TMEM132C: variants seen among roughly 807,000 people sequenced by gnomAD.
TMEM132C encodes the protein transmembrane protein 132C, also known as protein phosphatase 1, regulatory subunit 152.
In TMEM132C, 29 loss-of-function variants were observed where a neutral mutation model predicts 61.4. The observed-to-expected ratio is 0.47, with a 90% CI of 0.35 to 0.64. TMEM132C has a LOEUF of 0.64. Among genes scored for constraint, TMEM132C ranks in the 30% least tolerant of loss-of-function variants. The probability of loss-of-function intolerance (pLI) is 0.00; values close to 1 mark genes in which losing one functional copy is unlikely to be tolerated. For synonymous variants in TMEM132C, 656 were observed against 633.1 expected (o/e 1.04, Z -0.54); for missense variants, 1,408 against 1,476.9 (o/e 0.95, Z 0.76).
At chr12:128,451,810 A>G (rs1397683959) in intron 2 of TMEM132C, among the ~76,000 whole-genome samples, 3 of 152,158 alleles carry the variant, frequency 2.0e-5, no homozygotes, top group Non-Finnish European at 4.4e-5. Flanking sequence ...TTTATTAAGC[A>G]GCTACTAAGT....
intron 1 of TMEM132C, among the ~76,000 whole-genome samples, chr12:128,313,824 T>C (rs930605742): frequency 6.6e-6 from 1 of 151,890 alleles, no homozygotes; most frequent in Non-Finnish European, 1.5e-5. Flanking sequence ...GTGAAAACAG[T>C]GTGGGGATCA....
chr12:128,576,421 A>G (rs1410373151), intron 3 of TMEM132C, among the ~76,000 whole-genome samples: 1 of 152,114 alleles, frequency 6.6e-6, no homozygotes, highest in Non-Finnish European at 1.5e-5. Flanking sequence ...TGAGTTATAT[A>G]TGTACTCAGT....
At chr12:128,529,255 A>AC (rs113512675) in intron 2 of TMEM132C, among the ~76,000 whole-genome samples, 7,909 of 151,800 alleles carry the variant, frequency 0.052, 721 homozygotes, top group African/African-American at 0.18. Flanking sequence ...AACACAGAGT[A>AC]CCCCCCATCA....
At chr12:128,558,659 C>T (rs576292263) in intron 3 of TMEM132C, among the ~76,000 whole-genome samples, 12 of 152,350 alleles carry the variant, frequency 7.9e-5, no homozygotes, top group African/African-American at 2.9e-4. Context: ...TGACTTTGAT[C>T]CACTCCAAAT....
chr12:128,287,345 A>G (rs1266793899), intron 1 of TMEM132C, among the ~76,000 whole-genome samples: 1 of 152,194 alleles, frequency 6.6e-6, no homozygotes, highest in Non-Finnish European at 1.5e-5. Context: ...AGGCTTTCAG[A>G]AAAGTTGCAA....
At chr12:128,525,052 G>T (rs1012043512) in intron 2 of TMEM132C, among the ~76,000 whole-genome samples, 3 of 152,194 alleles carry the variant, frequency 2.0e-5, no homozygotes, top group African/African-American at 7.2e-5. Flanking sequence ...CTGGCTCAAT[G>T]CCCAGTAGCC....
chr12:128,407,014 A>G (rs1447157506), intron 1 of TMEM132C, among the ~76,000 whole-genome samples: 1 of 152,252 alleles, frequency 6.6e-6, no homozygotes, highest in Non-Finnish European at 1.5e-5. Flanking sequence ...GACATTCCAC[A>G]TGGAAAGCAT....
At chr12:128,438,789 G>A (rs928011140) in intron 2 of TMEM132C, 9 of 152,144 alleles carry the variant, frequency 5.9e-5, no homozygotes, top group African/African-American at 2.2e-4. Context: ...GCCTCTGGAA[G>A]CCACCAATCT....
intron 2 of TMEM132C, among the ~76,000 whole-genome samples, chr12:128,465,319 C>T (rs11059703): frequency 0.023 from 3,527 of 152,150 alleles, 150 homozygotes; most frequent in African/African-American, 0.082. Flanking sequence ...CTGACTCAGC[C>T]TCCCGAGTAG....
intron 2 of TMEM132C, among the ~76,000 whole-genome samples, chr12:128,417,945 C>T (rs562361708): frequency 4.6e-5 from 7 of 152,096 alleles, no homozygotes; most frequent in South Asian, 2.1e-4. Context: ...TTACTAATGG[C>T]GTGGCTCTGG....
chr12:128,453,521 A>C (rs915650772), intron 2 of TMEM132C, among the ~76,000 whole-genome samples: 1 of 152,142 alleles, frequency 6.6e-6, no homozygotes, highest in African/African-American at 2.4e-5. Flanking sequence ...TGCTGGGCTC[A>C]AAGAGTCACA....
chr12:128,375,267 G>A lies in TMEM132C; in HGVS notation c.86-39465G>A, dbSNP rs114826675. Among the ~76,000 whole-genome samples, 1,043 of 152,228 alleles carry A rather than the reference G, an allele frequency of 6.9e-3. 14 individuals carry two copies. The highest frequency in any genetic ancestry group is 0.024 in the African/African-American group (984 of 41,556). On this transcript the variant is annotated intron_variant, in intron 1 of 8. Transcript: ENST00000435159. ...GGAGCTGTTGTCACAGGAAGGCCAC[G>A]GGAGGGCTCCTCTGTCAGCTTCTAG...
At chr12:128,594,524 C>T (rs1875877912) in intron 3 of TMEM132C, among the ~76,000 whole-genome samples, 1 of 152,142 alleles carries the variant, frequency 6.6e-6, no homozygotes, top group South Asian at 2.1e-4. Flanking sequence ...ATGGAGGTAG[C>T]CAGGGACCTC....
At chr12:128,615,987 A>G (rs984686833) in intron 3 of TMEM132C, among the ~76,000 whole-genome samples, 165 bp from the exon 4 acceptor site, 2 of 152,210 alleles carry the variant, frequency 1.3e-5, no homozygotes, top group African/African-American at 4.8e-5. Flanking sequence ...CCCAGATGCC[A>G]GTCCTCACTT....
chr12:128,664,900 TTGAGAGG>T (rs1212318978), intron 4 of TMEM132C, among the ~76,000 whole-genome samples: 1 of 152,116 alleles, frequency 6.6e-6, no homozygotes, highest in Non-Finnish European at 1.5e-5. Context: ...AAAAAGGTAT[TTGAGAGG>T]TGCAACCAGA....
intron 4 of TMEM132C, among the ~76,000 whole-genome samples, chr12:128,656,908 A>C (rs1954330907): frequency 6.6e-6 from 1 of 152,168 alleles, no homozygotes; most frequent in Admixed American, 6.5e-5. Context: ...AGATCTAATC[A>C]GTTTATTTTC....
intron 3 of TMEM132C, among the ~76,000 whole-genome samples, chr12:128,614,863 G>T (rs1192308146): frequency 6.6e-6 from 1 of 152,186 alleles, no homozygotes; most frequent in Non-Finnish European, 1.5e-5. Context: ...GGACAGGGCA[G>T]CCAGTGATAA....
At chr12:128,462,872 C>A (rs995972650) in intron 2 of TMEM132C, among the ~76,000 whole-genome samples, 1 of 152,164 alleles carries the variant, frequency 6.6e-6, no homozygotes, top group African/African-American at 2.4e-5. Flanking sequence ...TACCAGAACT[C>A]CCCAATAACA....
intron 5 of TMEM132C, among the ~76,000 whole-genome samples, chr12:128,677,662 T>G (rs1954603147): frequency 6.6e-6 from 1 of 152,186 alleles, no homozygotes. Flanking sequence ...GCCCCCACCC[T>G]GGTCCTCAGC....
Sources: gnomAD v4.1 joint callset for allele counts (sites outside exome capture counted in the v4.1 genomes callset) on GRCh38, gnomAD v4.1.1 for gene constraint, MANE v1.5 for transcripts, NCBI Gene and HGNC (gene_info 2026-07-23, HGNC 2026-07-21) for gene names.